CCSER1: variants seen among roughly 807,000 people sequenced by gnomAD.
CCSER1 encodes the protein coiled-coil serine rich protein 1, also known as serine-rich coiled-coil domain-containing protein 1.
In CCSER1, 41 loss-of-function variants were observed where a neutral mutation model predicts 82.0. The observed-to-expected ratio is 0.50, with a 90% confidence interval of 0.39 to 0.65. The LOEUF (loss-of-function observed/expected upper bound fraction) is 0.65. CCSER1 is among the 30% of genes least tolerant of loss of function. The pLI is 0.00. For synonymous variants in CCSER1, 414 were observed against 383.9 expected (o/e 1.08, Z -0.92); for missense variants, 1,119 against 1,064.2 (o/e 1.05, Z -0.72).
intron 1 of CCSER1, among the ~76,000 whole-genome samples, chr4:90,166,444 A>G (rs1425664262): frequency 6.6e-6 from 1 of 152,020 alleles, no homozygotes; most frequent in East Asian, 1.9e-4. Context: ...ACAGTATACC[A>G]TATACTTGAC....
intron 5 of CCSER1, among the ~76,000 whole-genome samples, chr4:90,493,628 A>G (rs755535659): frequency 6.6e-5 from 10 of 152,204 alleles, no homozygotes; most frequent in Non-Finnish European, 1.3e-4. Flanking sequence ...TAAAGAAAAA[A>G]TAATTTTCCA....
At chr4:90,470,762 CAAA>C (rs754754971) in intron 5 of CCSER1, among the ~76,000 whole-genome samples, 1 of 71,248 alleles carries the variant, frequency 1.4e-5, no homozygotes, top group Admixed American at 1.6e-4. Context: ...TTAATCAAAG[CAAA>C]AAAAAAAAAA....
rs1034594386 is a variant in CCSER1, at chr4:90,267,041, G to A, written c.-41-41203G>A. ...GGTAGAGCACCAAGCCAACTCTTGG[G>A]GTCCCCAATTTTAGGCTTTGGCTTT... On this transcript the variant is annotated intron_variant, in intron 1 of 10. Transcript: ENST00000509176. Among the ~76,000 whole-genome samples the A allele has an allele frequency of 8.5e-5, 13 of 152,054 alleles. No individual in the cohort carries two copies. In the East Asian group the frequency reaches 2.5e-3, roughly 30 times the overall value.
chr4:90,160,430 A>G (rs572079470), intron 1 of CCSER1, among the ~76,000 whole-genome samples: 3 of 152,364 alleles, frequency 2.0e-5, no homozygotes, highest in East Asian at 3.9e-4. Context: ...TTGAGCAACC[A>G]TGAAAGTAGG....
chr4:91,187,192 C>T (rs78781788), intron 10 of CCSER1, among the ~76,000 whole-genome samples: 1 of 152,318 alleles, frequency 6.6e-6, no homozygotes, highest in South Asian at 2.1e-4. Context: ...AAATGAAACC[C>T]GTACCTCAGT....
intron 10 of CCSER1, among the ~76,000 whole-genome samples, chr4:91,453,111 G>T (rs1444856240): frequency 6.6e-6 from 1 of 151,988 alleles, no homozygotes; most frequent in Non-Finnish European, 1.5e-5. Context: ...CCCACTATAG[G>T]TTATGATTTA....
At chr4:90,576,851 T>G (rs1388502748) in intron 5 of CCSER1, among the ~76,000 whole-genome samples, 2 of 152,278 alleles carry the variant, frequency 1.3e-5, no homozygotes, top group East Asian at 3.9e-4. Context: ...GGTTTTTGCA[T>G]GAACCTAGGT....
intron 1 of CCSER1, among the ~76,000 whole-genome samples, chr4:90,222,655 G>C (rs1247588017): frequency 6.6e-6 from 1 of 151,908 alleles, no homozygotes; most frequent in Admixed American, 6.6e-5. Context: ...TACCAACATT[G>C]GTTTTTTAAA....
chr4:91,468,439 A>G (rs1757062970), intron 10 of CCSER1, among the ~76,000 whole-genome samples: 1 of 152,092 alleles, frequency 6.6e-6, no homozygotes, highest in Non-Finnish European at 1.5e-5. Context: ...CCAACATGGC[A>G]CATGTATACA....
intron 7 of CCSER1, chr4:90,781,967 A>G (rs1022643773): frequency 4.5e-6 from 4 of 891,644 alleles, no homozygotes; most frequent in Non-Finnish European, 5.4e-6. Flanking sequence ...TGCCCGATAT[A>G]GGAACAAAAA....
intron 3 of CCSER1, among the ~76,000 whole-genome samples, chr4:90,383,610 C>T (rs543018107): frequency 4.6e-5 from 7 of 152,014 alleles, no homozygotes; most frequent in Admixed American, 6.5e-5. Context: ...CACACACACA[C>T]GAAGGGAAGC....
At chr4:90,595,212 G>A (rs1174919906) in intron 5 of CCSER1, among the ~76,000 whole-genome samples, 1 of 151,836 alleles carries the variant, frequency 6.6e-6, no homozygotes, top group African/African-American at 2.4e-5. Flanking sequence ...ATTTAAATTT[G>A]TCAGGCATCA....
chr4:91,019,478 A>G (rs1365143520), intron 9 of CCSER1, among the ~76,000 whole-genome samples: 1 of 152,108 alleles, frequency 6.6e-6, no homozygotes, highest in East Asian at 1.9e-4. Context: ...ATTTTATTTG[A>G]TATTGAGAGC....
chr4:90,451,663 C>T (rs1453212567), intron 4 of CCSER1, among the ~76,000 whole-genome samples: 1 of 152,116 alleles, frequency 6.6e-6, no homozygotes, highest in Non-Finnish European at 1.5e-5. Flanking sequence ...GAGATACAGC[C>T]CATTCTATCT....
At chr4:91,269,027 T>C (rs1741827744) in intron 10 of CCSER1, among the ~76,000 whole-genome samples, 1 of 152,190 alleles carries the variant, frequency 6.6e-6, no homozygotes, top group Non-Finnish European at 1.5e-5. Context: ...TTTTTGGTCA[T>C]GCAAAGATAA....
At chr4:90,501,851 AT>A (rs1235428340) in intron 5 of CCSER1, among the ~76,000 whole-genome samples, 3 of 152,088 alleles carry the variant, frequency 2.0e-5, no homozygotes, top group Non-Finnish European at 4.4e-5. Context: ...ATCCAAAATT[AT>A]TTTTTTAAAC....
chr4:91,584,039 A>G (rs1322987198), intron 10 of CCSER1, among the ~76,000 whole-genome samples: 2 of 151,442 alleles, frequency 1.3e-5, no homozygotes, highest in African/African-American at 2.4e-5. Flanking sequence ...ATTGTCTGAG[A>G]TATTATATAG....
Position 90,487,207 on chromosome 4 carries a change from C to T in CCSER1, c.1724+18853C>T, listed in dbSNP as rs11944664. On this transcript the variant is annotated intron_variant, in intron 5 of 10. Coordinates refer to ENST00000509176, the MANE Select transcript of CCSER1 (RefSeq NM_001145065.2). The stretch of plus-strand genomic sequence containing the variant: ...GATTACAGGCGTGAGCCACTGGTCC[C>T]GGCCGTCTCTATTTTTTAATACCTC... Among the ~76,000 whole-genome samples, 1,198 of 152,258 alleles carry T rather than the reference C, an allele frequency of 7.9e-3. 14 individuals are homozygous for T. The highest frequency in any genetic ancestry group is 0.027 in the African/African-American group (1,109 of 41,556).
intron 9 of CCSER1, among the ~76,000 whole-genome samples, chr4:91,079,452 A>T (rs993218506): frequency 2.4e-4 from 36 of 152,334 alleles, no homozygotes; most frequent in African/African-American, 8.7e-4. Flanking sequence ...AACATCTGGT[A>T]CCAGCCACTG....
Sources: allele counts gnomAD v4.1 joint callset (sites outside exome capture counted in the v4.1 genomes callset), GRCh38; gene constraint gnomAD v4.1.1; transcripts MANE v1.5; gene names NCBI Gene and HGNC (gene_info 2026-07-23, HGNC 2026-07-21).